Variants in CCR3 observed in about 807,000 individuals in gnomAD.
CCR3 encodes the protein C-C chemokine receptor type 3.
For missense variants in CCR3, 419 were observed against 437.5 expected (o/e 0.96, Z 0.38); for synonymous variants, 203 against 179.2 (o/e 1.13, Z -1.06).
At chr3:46,256,833 T>C (rs2125933241) in intron 1 of CCR3, among the ~76,000 whole-genome samples, 1 of 152,184 alleles carries the variant, frequency 6.6e-6, no homozygotes, top group African/African-American at 2.4e-5. Flanking sequence ...TCATGATGGG[T>C]CACCACCATA....
intron 1 of CCR3, among the ~76,000 whole-genome samples, chr3:46,246,439 T>A (rs1393160692): frequency 6.6e-6 from 1 of 151,688 alleles, no homozygotes; most frequent in Non-Finnish European, 1.5e-5. Context: ...AAAATTACAG[T>A]CAAAGGGGGT....
At chr3:46,213,188 T>C (rs1440278624) in intron 2 of CCR3, among the ~76,000 whole-genome samples, 2 of 152,180 alleles carry the variant, frequency 1.3e-5, no homozygotes, top group Admixed American at 1.3e-4. Context: ...CACAGTGACA[T>C]TTTTTCTCGT....
rs190945538 is a variant in CCR3 at position 46,244,461 on chromosome 3, G to A, written c.-12+1923G>A. Among the ~76,000 whole-genome samples the A allele has an allele frequency of 1.6e-4, 24 of 152,278 alleles. No homozygotes were observed. In the East Asian group the frequency reaches 4.0e-3, roughly 26 times the overall value. ...ACCTGGGTGCAGGCAGGCTGAGTCC[G>A]AAAAGAGTCAGCGAAGGGAGATAAG... On this transcript the variant is annotated intron_variant, in intron 1 of 1. Transcript: ENST00000395940.
chr3:46,247,391 G>T (rs1214208321), intron 1 of CCR3, among the ~76,000 whole-genome samples: 1 of 152,192 alleles, frequency 6.6e-6, no homozygotes, highest in Non-Finnish European at 1.5e-5. Context: ...TAAATGGGCT[G>T]TACCTTATAG....
chr3:46,264,750 T>A, intron 1 of CCR3: 2 of 393,716 alleles, frequency 5.1e-6, no homozygotes, highest in Middle Eastern at 7.2e-4. Context: ...TTAAGGTATA[T>A]GTAAACTGTA....
chr3:46,218,400 A>G (rs1699799650), intron 2 of CCR3, among the ~76,000 whole-genome samples: 1 of 152,128 alleles, frequency 6.6e-6, no homozygotes. Context: ...GCATTCAAAG[A>G]AGAATTGGCA....
At chr3:46,260,734 CAACAT>C (rs1386150172) in intron 1 of CCR3, among the ~76,000 whole-genome samples, 1 of 152,174 alleles carries the variant, frequency 6.6e-6, no homozygotes, top group Non-Finnish European at 1.5e-5. Flanking sequence ...TTGATAAACA[CAACAT>C]GAGGCAGAGG....
chr3:46,266,470 T>C lies in CCR3; in HGVS notation c.*244T>C. 2.4e-6 allele frequency: 1 copy of C among 412,242 alleles called. No homozygotes were observed. The highest frequency in any genetic ancestry group is 4.5e-6 in the Non-Finnish European group (1 of 224,692). The allele number at this position is 412,242 out of a possible 1,614,324, so 25.5% of individuals were successfully genotyped here. A position where few individuals can be genotyped will look rare whatever the true frequency, so the allele number is the denominator to read the frequency against. ...TAAAAAGCAGAGCTTTGCTTCTCTC[T>C]CTAAAATGAGTTACCTACATTTTAA... On this transcript the variant is annotated 3_prime_UTR_variant, in exon 2 of 2. Transcript: ENST00000395940.
chr3:46,217,813 A>C (rs1331609407), intron 2 of CCR3, among the ~76,000 whole-genome samples: 1 of 151,986 alleles, frequency 6.6e-6, no homozygotes, highest in Non-Finnish European at 1.5e-5. Context: ...ATACAGCAAA[A>C]GCGGTGCTAA....
chr3:46,226,276 T>C (rs1575488647), intron 2 of CCR3, among the ~76,000 whole-genome samples: 1 of 152,234 alleles, frequency 6.6e-6, no homozygotes, highest in Admixed American at 6.5e-5. Context: ...TTGGGGAAAA[T>C]TGACATCTTT....
intron 1 of CCR3, among the ~76,000 whole-genome samples, chr3:46,246,896 A>C (rs374381900): frequency 6.6e-6 from 1 of 151,954 alleles, no homozygotes; most frequent in Non-Finnish European, 1.5e-5. Flanking sequence ...GATTAAGCTG[A>C]AGGGAGGTCT....
Position 46,266,650 on chromosome 3 carries a change from T to G in CCR3, c.*424T>G, listed in dbSNP as rs1217562969. On this transcript the variant is annotated 3_prime_UTR_variant, in exon 2 of 2. Transcript: ENST00000395940. ...TTTATTTTCTAATGTGCCTAGTTCT[T>G]TCCCTGCTTAATGAAAAGCTTGTTT... 5.8e-6 allele frequency: 1 copy of G among 171,938 alleles called. No individual in the cohort carries two copies. The highest frequency in any genetic ancestry group is 1.4e-5 in the Non-Finnish European group (1 of 71,732). The allele number at this position is 171,938 out of a possible 1,614,324, so 10.7% of individuals were successfully genotyped here.
intron 1 of CCR3, among the ~76,000 whole-genome samples, chr3:46,252,613 A>AG (rs1346372209): frequency 2.6e-5 from 4 of 152,172 alleles, no homozygotes; most frequent in Non-Finnish European, 5.9e-5. Context: ...AAGGAAGGGA[A>AG]GGAAGTGGGA....
intron 2 of CCR3, among the ~76,000 whole-genome samples, chr3:46,213,622 T>C (rs150981296): frequency 4.8e-4 from 73 of 152,354 alleles, no homozygotes; most frequent in African/African-American, 1.7e-3. Context: ...ATCCCTCTAA[T>C]GGTCTTGTCT....
At chr3:46,242,433 A>G (rs1700099098), upstream of CCR3, 1 of 152,234 alleles carries the variant, frequency 6.6e-6, no homozygotes, top group African/African-American at 2.4e-5. Flanking sequence ...CACTGGACAT[A>G]TCAAGGACTT....
At chr3:46,250,670 A>T (rs12631866) in intron 1 of CCR3, among the ~76,000 whole-genome samples, 65,157 of 151,764 alleles carry the variant, frequency 0.43, 15,052 homozygotes, top group East Asian at 0.64. Flanking sequence ...AGGTTTTAGG[A>T]CAGGTGTAAG....
At chr3:46,264,166 C>T (rs1461405089) in intron 1 of CCR3, 1 of 479,334 alleles carries the variant, frequency 2.1e-6, no homozygotes, top group Non-Finnish European at 3.7e-6. Context: ...ATATCAAGTC[C>T]AGTGAGAAAT....
At chr3:46,228,691 A>T (rs1343388877) in intron 2 of CCR3, among the ~76,000 whole-genome samples, 2 of 152,258 alleles carry the variant, frequency 1.3e-5, no homozygotes, top group African/African-American at 4.8e-5. Flanking sequence ...ATACCTGTGT[A>T]CAAATCTATT....
At chr3:46,229,395 C>A (rs1446272092) in intron 2 of CCR3, among the ~76,000 whole-genome samples, 1 of 152,118 alleles carries the variant, frequency 6.6e-6, no homozygotes, top group Non-Finnish European at 1.5e-5. Flanking sequence ...TTTTTTATAT[C>A]ATTTTCTTAA....
Sources: allele counts gnomAD v4.1 joint callset (sites outside exome capture counted in the v4.1 genomes callset), GRCh38; gene constraint gnomAD v4.1.1; transcripts MANE v1.5; gene names NCBI Gene and HGNC (gene_info 2026-07-23, HGNC 2026-07-21).